The following CTR9 variants were observed in gnomAD, a reference collection of about 807,000 sequenced individuals.
The protein encoded by CTR9 is RNA polymerase-associated protein CTR9 homolog.
A neutral mutation model predicts 152.1 loss-of-function variants in CTR9; 41 were observed. The ratio of observed to expected loss-of-function variants is 0.27; its 90% CI spans 0.21 to 0.35. The LOEUF is 0.35. Among genes scored for constraint, CTR9 ranks in the 10% least tolerant of loss-of-function variants. CTR9 has a pLI of 1.00. For missense variants in CTR9, 917 were observed against 1,424.4 expected (o/e 0.64, Z 5.73); for synonymous variants, 476 against 496.2 (o/e 0.96, Z 0.54).
chr11:10,768,080 C>T lies in CTR9; in HGVS notation c.1879C>T (p.Arg627Cys), dbSNP rs751781919. ...QPTRDREKEK[R>C]HQDRALAIYK... Reference sequence around the variant, plus strand: ...AGAGCACTTGTTTCTATAGGAAAAGCGTCATCAAGATCGTGCTCTGGCCAT... The same window carrying T: ...AGAGCACTTGTTTCTATAGGAAAAGTGTCATCAAGATCGTGCTCTGGCCAT... Residue 627 changes from arginine to cysteine, a missense_variant, in exon 15 of 25, where the codon CGT becomes TGT. Arg to Cys is a radical substitution (Grantham distance 180). Around this residue, in one of 9 missense-constraint regions of CTR9, gnomAD observed 87 missense variants for 235.7 expected, o/e 0.37. Transcript: ENST00000361367. 6.2e-6 allele frequency: 10 copies of T among 1,613,866 alleles called. No homozygotes were observed. Among genetic ancestry groups the T allele is most frequent in the Non-Finnish European group, 8.5e-6 (10 of 1,179,964 alleles).
rs1863172832 is a variant in CTR9 at position 10,773,241 on chromosome 11, A to G, written c.2695A>G (p.Lys899Glu). The change falls in exon 21 of 25, where the codon AAA becomes GAA. Residue 899 changes from lysine to glutamate, a missense_variant. By Grantham distance (56) the Lys-to-Glu change is moderately conservative. Around this residue, in one of 9 missense-constraint regions of CTR9, gnomAD observed 384 missense variants for 398.4 expected, o/e 0.96. Transcript: ENST00000361367. ...LMFTGETEATKEKKRGGGGGR... is the reference protein window; with the variant it reads ...LMFTGETEATEEKKRGGGGGR... ...GTTTACTGGTGAGACTGAAGCAACAAAAGAGAAGAAAAGAGGTGGTGGTGG... is the reference window on the plus strand; with the variant it reads ...GTTTACTGGTGAGACTGAAGCAACAGAAGAGAAGAAAAGAGGTGGTGGTGG... The G allele has an allele frequency of 1.2e-6, 2 of 1,612,922 alleles. No homozygotes were observed. The highest frequency in any genetic ancestry group is 1.7e-6 in the Non-Finnish European group (2 of 1,179,744).
rs1364341198 is a variant in CTR9, at chr11:10,775,642, T to A, written c.3095+9T>A. On this transcript the variant is annotated intron_variant, in intron 24 of 24. Transcript: ENST00000361367. Reference sequence around the variant, plus strand: ...AAAATTGCTGATGAAGGGTAGGATATTTTCTCTTTGTAAATTCTTCTCATG... The same window carrying A: ...AAAATTGCTGATGAAGGGTAGGATAATTTCTCTTTGTAAATTCTTCTCATG... 3 of 1,565,314 alleles carry A rather than the reference T, an allele frequency of 1.9e-6. No homozygotes were observed. The highest frequency in any genetic ancestry group is 2.6e-6 in the Non-Finnish European group (3 of 1,138,960).
In CTR9 at chr11:10,774,185, A is replaced by G. The variant is rs1297143985; in HGVS notation, c.2885+16A>G. 3 of 1,600,852 alleles carry G rather than the reference A, an allele frequency of 1.9e-6. No homozygotes were observed. Among genetic ancestry groups the G allele is most frequent in the Non-Finnish European group, 2.6e-6 (3 of 1,175,424 alleles). On this transcript the variant is annotated intron_variant, in intron 22 of 24. Transcript: ENST00000361367. ...AGAGGAGAAGGTAATGTCATCATTA[A>G]TGTGCTTTAAGTAACCTCATAAAAG...
In CTR9 at chr11:10,775,515, C is replaced by G; in HGVS notation, c.2983-6C>G. ...TGACTAATCTATTATGTTTGACATT[C>G]TTTAGCCCAAGCCAGAACGTCTGCC... is the stretch of plus-strand genomic sequence containing the variant. On this transcript the variant is annotated splice_region_variant and splice_polypyrimidine_tract_variant and intron_variant, in intron 23 of 24. Coordinates refer to ENST00000361367, the MANE Select transcript of CTR9 (RefSeq NM_014633.5). 6.2e-7 allele frequency: 1 copy of G among 1,608,432 alleles called. No homozygotes were observed. Among genetic ancestry groups the G allele is most frequent in the Non-Finnish European group, 8.5e-7 (1 of 1,176,520 alleles).
Position 10,756,773 on chromosome 11 carries a change from A to G in CTR9, c.527A>G (p.Lys176Arg). 1 of 1,611,076 alleles carries G rather than the reference A, an allele frequency of 6.2e-7. No homozygotes were observed. The highest frequency in any genetic ancestry group is 8.5e-7 in the Non-Finnish European group (1 of 1,178,780). The stretch of plus-strand genomic sequence containing the variant: ...GGTAAAGCTTGCATTTCCTTCAACA[A>G]GAAGGATTACAGAGGAGCTCTTGCT... ...LLGKACISFN[K>R]KDYRGALAYY... Residue 176 changes from lysine to arginine, a missense_variant, in exon 5 of 25, where the codon AAG becomes AGG. By Grantham distance (26) the Lys-to-Arg change is conservative. Transcript: ENST00000361367.
rs1379798005 is a variant in CTR9, at chr11:10,763,699, C to T, written c.1014C>T (p.Ser338=). 1.9e-6 allele frequency: 3 copies of T among 1,613,986 alleles called. No homozygotes were observed. The highest frequency in any genetic ancestry group is 2.5e-6 in the Non-Finnish European group (3 of 1,179,980). The change falls in exon 9 of 25, where the codon TCC becomes TCT. Residue 338 remains serine (S), a synonymous_variant. Coordinates refer to ENST00000361367, the MANE Select transcript of CTR9 (RefSeq NM_014633.5). ...ATCAAGCCACACAGTTTGCCTCATC[C>T]TCTTTTGTGCTCCCATTTTTTGGTT... The part of the protein sequence containing the change: ...YYYQATQFAS[S]SFVLPFFGLG...
intron 19 of CTR9, among the ~76,000 whole-genome samples, chr11:10,772,294 C>T (rs753306464): frequency 5.3e-5 from 8 of 151,836 alleles, no homozygotes; most frequent in Admixed American, 6.6e-5. Context: ...GCGGAGGTTG[C>T]GGTGAGCCGA....
rs980987650 is a variant in CTR9 at position 10,754,864 on chromosome 11, T to C, written c.145-94T>C. 7 of 1,310,496 alleles carry C rather than the reference T, an allele frequency of 5.3e-6. No individual in the cohort carries two copies. In the Middle Eastern group the frequency reaches 5.7e-4, roughly 108 times the overall value. 81.2% of individuals were successfully genotyped at this position (1,310,496 alleles called of 1,614,324 possible). Reference sequence around the variant, plus strand: ...AACATTTTGATTGTTTCCAGTTTTTTGTTATTACAAATAAAGCTGCTGTAA... The same window carrying C: ...AACATTTTGATTGTTTCCAGTTTTTCGTTATTACAAATAAAGCTGCTGTAA... On this transcript the variant is annotated intron_variant, in intron 2 of 24. Coordinates refer to ENST00000361367, the MANE Select transcript of CTR9 (RefSeq NM_014633.5).
chr11:10,764,235 ATG>A, intron 10 of CTR9, 34 bp downstream of exon 10: 1 of 1,613,142 alleles, frequency 6.2e-7, no homozygotes, highest in Non-Finnish European at 8.5e-7. Context: ...CTCTCATATG[ATG>A]TGTTTTTTGT....
chr11:10,760,181 C>T lies in CTR9; in HGVS notation c.601C>T (p.Arg201Cys), dbSNP rs748147577. Residue 201 changes from arginine (R) to cysteine (C), a missense_variant, in exon 6 of 25, where the codon CGT (arginine) becomes TGT (cysteine). Arg to Cys is a radical substitution (Grantham distance 180). Transcript: ENST00000361367. ...ATGACTTCATTTTATAGCGGAAGTT[C>T]GTTTAGGAATGGGTCATTGCTTTGT... ...RTNPGCPAEV[R>C]LGMGHCFVKL... The T allele has an allele frequency of 4.2e-5, 68 of 1,612,924 alleles. No homozygotes were observed. The highest frequency in any genetic ancestry group is 5.5e-5 in the Non-Finnish European group (65 of 1,179,372).
At position 10,775,536 on chromosome 11, in the gene CTR9, C is replaced by G; in HGVS notation, c.2998C>G (p.Leu1000Val). ...CATTCTTTAGCCCAAGCCAGAACGT[C>G]TGCCTCCATCAATGAAGGGAAAAAT... Reference protein sequence around the residue: ...EKKKAPKPERLPPSMKGKIKS... With the variant: ...EKKKAPKPERVPPSMKGKIKS... Residue 1000 changes from leucine (L) to valine (V), a missense_variant, in exon 24 of 25, where the codon CTG becomes GTG. By Grantham distance (32) the Leu-to-Val change is conservative. Coordinates refer to ENST00000361367, the MANE Select transcript of CTR9 (RefSeq NM_014633.5). 1.9e-6 allele frequency: 3 copies of G among 1,613,238 alleles called. No homozygotes were observed. The highest frequency in any genetic ancestry group is 2.5e-6 in the Non-Finnish European group (3 of 1,179,338).
chr11:10,756,498 G>A (rs2135357827), intron 4 of CTR9, among the ~76,000 whole-genome samples: 1 of 152,250 alleles, frequency 6.6e-6, no homozygotes, highest in African/African-American at 2.4e-5. Flanking sequence ...GTGAGAACAG[G>A]CAGTATTCAG....
At chr11:10,777,409 C>A (rs6484491) in intron 24 of CTR9, among the ~76,000 whole-genome samples, 150,097 of 151,054 alleles carry the variant, frequency 0.99, 74,577 homozygotes, top group Middle Eastern at 1. Context: ...AATAAACAAA[C>A]AAAAAAAGAT....
intron 4 of CTR9, among the ~76,000 whole-genome samples, chr11:10,756,499 C>T (rs1473449750): frequency 6.6e-6 from 1 of 152,074 alleles, no homozygotes; most frequent in African/African-American, 2.4e-5. Flanking sequence ...TGAGAACAGG[C>T]AGTATTCAGT....
intron 3 of CTR9, 39 bp from the exon 4 acceptor site, chr11:10,755,639 A>G (rs372899123): frequency 3.9e-6 from 5 of 1,294,032 alleles, no homozygotes; most frequent in South Asian, 2.4e-5. Context: ...TGTTCATGGT[A>G]TATAGGGGTA....
chr11:10,760,719 T>C lies in CTR9; in HGVS notation c.741+398T>C, dbSNP rs935871711. Among the ~76,000 whole-genome samples, 9 of 152,212 alleles carry C rather than the reference T, an allele frequency of 5.9e-5. No individual in the cohort carries two copies. The South Asian group carries it at 1.4e-3, about 25-fold the overall frequency. ...TTCATTGCACGTAACAAAAAACACATCCCAGTGCCTTAAACATAAGGGCTT... is the reference window on the plus strand; with the variant it reads ...TTCATTGCACGTAACAAAAAACACACCCCAGTGCCTTAAACATAAGGGCTT... On this transcript the variant is annotated intron_variant, in intron 6 of 24. Coordinates refer to ENST00000361367, the MANE Select transcript of CTR9 (RefSeq NM_014633.5).
chr11:10,756,150 AT>A (rs1484619917), intron 4 of CTR9, among the ~76,000 whole-genome samples: 5 of 152,254 alleles, frequency 3.3e-5, no homozygotes, highest in Non-Finnish European at 7.3e-5. Flanking sequence ...TCTACAAAAA[AT>A]AATTTTTTCA....
At chr11:10,764,038 T>G (rs1863019393) in intron 9 of CTR9, 74 bp from the exon 10 acceptor site, 4 of 1,472,036 alleles carry the variant, frequency 2.7e-6, no homozygotes, top group Non-Finnish European at 3.8e-6. Context: ...TTAAACAGAC[T>G]TACATAGCCC....
Position 10,756,791 on chromosome 11 carries a change from C to G in CTR9, c.545C>G (p.Ala182Gly), listed in dbSNP as rs763018165. ...TTCAACAAGAAGGATTACAGAGGAGCTCTTGCTTACTATAAGAAAGCATTG... is the reference window on the plus strand; with the variant it reads ...TTCAACAAGAAGGATTACAGAGGAGGTCTTGCTTACTATAAGAAAGCATTG... ...ISFNKKDYRG[A>G]LAYYKKALRT... Residue 182 changes from alanine to glycine, a missense_variant, in exon 5 of 25, where the codon GCT becomes GGT. Physicochemically the swap from Ala to Gly is moderately conservative, Grantham distance 60. Around this residue, in one of 9 missense-constraint regions of CTR9, gnomAD observed 110 missense variants for 149.5 expected, o/e 0.74. Transcript: ENST00000361367. The G allele has an allele frequency of 6.2e-7, 1 of 1,611,720 alleles. No homozygotes were observed. The highest frequency in any genetic ancestry group is 8.5e-7 in the Non-Finnish European group (1 of 1,179,384).
Sources: allele counts gnomAD v4.1 joint callset (sites outside exome capture counted in the v4.1 genomes callset), GRCh38; gene constraint gnomAD v4.1.1; regional missense constraint gnomAD v4.1.1; transcripts MANE v1.5; gene names NCBI Gene and HGNC (gene_info 2026-07-23, HGNC 2026-07-21).